STPG2: variants seen among roughly 807,000 people sequenced by gnomAD.
STPG2 encodes sperm-tail PG-rich repeat-containing protein 2.
STPG2 carries 56 observed loss-of-function variants against 54.2 expected under a neutral mutation model. That is an observed-to-expected ratio of 1.03 (90% CI 0.83 to 1.29). STPG2 has a LOEUF of 1.29. Among genes scored for constraint, STPG2 ranks in the 50% most tolerant of loss-of-function variants. STPG2 has a pLI of 0.00. For synonymous variants in STPG2, 200 were observed against 181.8 expected (o/e 1.10, Z -0.81); for missense variants, 596 against 544.9 (o/e 1.09, Z -0.93).
chr4:97,729,411 C>A (rs2149025050), intron 9 of STPG2, among the ~76,000 whole-genome samples: 1 of 152,246 alleles, frequency 6.6e-6, no homozygotes, highest in East Asian at 1.9e-4. Context: ...TAACTCATGT[C>A]ACAGTTTCTT....
chr4:97,634,017 C>G lies in STPG2; in HGVS notation c.1321-74900G>C, dbSNP rs553776758. ...AGCTCAAGGAGGCCTGCGTGCCTCT[C>G]TAGGCTCCACCTCTGGGGGCAGGGC... On this transcript the variant is annotated intron_variant, in intron 10 of 10. Transcript: ENST00000295268. Among the ~76,000 whole-genome samples, 62 of 152,200 alleles carry G rather than the reference C, an allele frequency of 4.1e-4. No homozygotes were observed. The East Asian group carries it at 9.3e-3, about 23-fold the overall frequency.
chr4:98,000,433 G>C (rs1032470833), intron 5 of STPG2, among the ~76,000 whole-genome samples: 1 of 151,282 alleles, frequency 6.6e-6, no homozygotes, highest in Non-Finnish European at 1.5e-5. Flanking sequence ...TATTTTAAAA[G>C]TATGTGCTAA....
intron 10 of STPG2, among the ~76,000 whole-genome samples, chr4:97,566,109 G>A (rs949363185): frequency 6.6e-6 from 1 of 152,198 alleles, no homozygotes; most frequent in African/African-American, 2.4e-5. Flanking sequence ...CTTCCAGGCT[G>A]CTTTGTTTAC....
intron 5 of STPG2, among the ~76,000 whole-genome samples, chr4:98,031,166 T>C (rs1371628581): frequency 3.9e-5 from 6 of 152,166 alleles, no homozygotes; most frequent in Non-Finnish European, 7.4e-5. Flanking sequence ...GGACACCCTT[T>C]TCAACAAATG....
At chr4:97,908,764 A>G (rs374300296) in intron 8 of STPG2, among the ~76,000 whole-genome samples, 1 of 151,080 alleles carries the variant, frequency 6.6e-6, no homozygotes, top group Admixed American at 6.6e-5. Flanking sequence ...CTATCGCAAG[A>G]ACAAAAAACC....
chr4:97,717,276 GTATTTCA>G (rs1215763449), intron 9 of STPG2, among the ~76,000 whole-genome samples: 1 of 152,108 alleles, frequency 6.6e-6, no homozygotes, highest in African/African-American at 2.4e-5. Flanking sequence ...AACCAAAAGG[GTATTTCA>G]TATTTTAAGA....
intron 5 of STPG2, among the ~76,000 whole-genome samples, chr4:98,092,269 A>C (rs552476686): frequency 6.6e-6 from 1 of 152,146 alleles, no homozygotes; most frequent in Non-Finnish European, 1.5e-5. Context: ...AAATTGAAAA[A>C]CTTTCCTTAG....
intron 4 of STPG2, among the ~76,000 whole-genome samples, chr4:97,472,905 A>G (rs1729973530): frequency 1.3e-5 from 2 of 152,222 alleles, no homozygotes; most frequent in Admixed American, 6.5e-5. Context: ...GATTTCATGG[A>G]CATTTATTAG....
intron 9 of STPG2, among the ~76,000 whole-genome samples, chr4:97,770,124 T>C (rs144590921): frequency 0.018 from 2,761 of 152,178 alleles, 76 homozygotes; most frequent in African/African-American, 0.063. Flanking sequence ...GGCAGGAAAG[T>C]CGCTTGAACC....
intron 10 of STPG2, among the ~76,000 whole-genome samples, chr4:97,605,149 A>C (rs1488170363): frequency 1.3e-5 from 2 of 150,558 alleles, no homozygotes; most frequent in African/African-American, 4.9e-5. Flanking sequence ...TTTCTTGATA[A>C]AAAGAAACGA....
Position 98,110,838 on chromosome 4 carries a change from C to T in STPG2, c.388-1533G>A, listed in dbSNP as rs113634160. Among the ~76,000 whole-genome samples the T allele has an allele frequency of 5.9e-3, 903 of 152,180 alleles. 6 individuals are homozygous for T. The highest frequency in any genetic ancestry group is 0.02 in the Middle Eastern group (6 of 294). On this transcript the variant is annotated intron_variant, in intron 3 of 10. Transcript: ENST00000295268. ...CTAGGTGGCTATTACTATTCTACAG[C>T]AGTGGAACCAACCTCTCTCAGTTAC...
At chr4:97,659,454 T>C (rs924870998) in intron 10 of STPG2, among the ~76,000 whole-genome samples, 1 of 152,138 alleles carries the variant, frequency 6.6e-6, no homozygotes, top group African/African-American at 2.4e-5. Context: ...ATCTACTTCA[T>C]AAAAAGAAGC....
chr4:97,894,289 A>C (rs1349781718), intron 8 of STPG2, among the ~76,000 whole-genome samples: 1 of 151,982 alleles, frequency 6.6e-6, no homozygotes, highest in East Asian at 1.9e-4. Flanking sequence ...AATGAAATTT[A>C]AGGTGTTAAA....
At position 97,699,249 on chromosome 4, in the gene STPG2, C is replaced by A. The variant is rs989521019; in HGVS notation, c.1320+13450G>T. On this transcript the variant is annotated intron_variant, in intron 10 of 10. Transcript: ENST00000295268. ...TTGAGCCCATGCATAACCTCCATCA[C>A]TGCCACCATGGCCACTTTGTTCATG... is the stretch of plus-strand genomic sequence containing the variant. Among the ~76,000 whole-genome samples, 11 of 152,194 alleles carry A rather than the reference C, an allele frequency of 7.2e-5. No homozygotes were observed. The South Asian group carries it at 1.2e-3, about 17-fold the overall frequency.
rs534838281 is a variant in STPG2, at chr4:97,782,303, T to A, written c.1204+58470A>T. On this transcript the variant is annotated intron_variant, in intron 9 of 10. Transcript: ENST00000295268. ...TACACCAATAACAGACAGAGAGCCA[T>A]ATCATGAGTGAACTCCCATTCACAA... Among the ~76,000 whole-genome samples the A allele has an allele frequency of 2.8e-3, 425 of 151,960 alleles. 3 individuals are homozygous for A. Among genetic ancestry groups the A allele is most frequent in the African/African-American group, 9.4e-3 (389 of 41,472 alleles).
intron 8 of STPG2, among the ~76,000 whole-genome samples, chr4:97,870,809 G>A (rs941814469): frequency 2.0e-5 from 3 of 150,964 alleles, no homozygotes; most frequent in Admixed American, 6.6e-5. Flanking sequence ...CACCAATAAC[G>A]TAAATCTTAA....
At chr4:98,095,782 G>C (rs373654307) in intron 5 of STPG2, among the ~76,000 whole-genome samples, 88 of 152,224 alleles carry the variant, frequency 5.8e-4, no homozygotes, top group Middle Eastern at 3.4e-3. Flanking sequence ...AATCAACAAA[G>C]AAACATCAAA....
intron 4 of STPG2, among the ~76,000 whole-genome samples, chr4:97,507,697 A>G (rs1465433154): frequency 6.6e-6 from 1 of 152,026 alleles, no homozygotes; most frequent in Non-Finnish European, 1.5e-5. Flanking sequence ...AAAGACTCAT[A>G]GTACTCAGAA....
At chr4:97,736,963 G>A (rs1281594947) in intron 9 of STPG2, among the ~76,000 whole-genome samples, 2 of 152,188 alleles carry the variant, frequency 1.3e-5, no homozygotes, top group African/African-American at 2.4e-5. Flanking sequence ...GCACCCCCCA[G>A]TAGGGGCAGA....
Sources: allele counts gnomAD v4.1 joint callset (sites outside exome capture counted in the v4.1 genomes callset), GRCh38; gene constraint gnomAD v4.1.1; transcripts MANE v1.5; gene names NCBI Gene and HGNC (gene_info 2026-07-23, HGNC 2026-07-21).